The following MAPRE2 variants were observed in gnomAD, a reference collection of about 807,000 sequenced individuals.
MAPRE2 encodes the protein microtubule-associated protein RP/EB family member 2.
MAPRE2 carries 13 observed loss-of-function variants against 43.2 expected under a neutral mutation model. That is an observed-to-expected ratio of 0.30 (90% CI 0.20 to 0.48). The LOEUF is 0.48. Ranked by LOEUF, MAPRE2 falls within the 20% of genes least tolerant of loss-of-function variation. The pLI is 0.99. For missense variants in MAPRE2, 161 were observed against 400.2 expected (o/e 0.40, Z 5.10); for synonymous variants, 135 against 148.8 (o/e 0.91, Z 0.68).
intron 4 of MAPRE2, among the ~76,000 whole-genome samples, chr18:35,122,702 G>C (rs1398081419): frequency 6.6e-6 from 1 of 152,150 alleles, no homozygotes; most frequent in African/African-American, 2.4e-5. Flanking sequence ...AGAGGTTGCC[G>C]AGCCTGATTT....
Position 35,102,120 on chromosome 18 carries a change from C to T in MAPRE2, c.571C>T (p.Leu191=), listed in dbSNP as rs1361671315. 4 of 1,605,940 alleles carry T rather than the reference C, an allele frequency of 2.5e-6. No homozygotes were observed. The Admixed American group carries it at 6.9e-5, about 28-fold the overall frequency. Residue 191 remains leucine (L), a synonymous_variant, in exon 4 of 7, where the codon CTG becomes TTG. Coordinates refer to ENST00000300249, the MANE Select transcript of MAPRE2 (RefSeq NM_014268.4). The part of the protein sequence containing the change: ...PPDPGEQIFN[L]PKKSHHANSP... ...TGACCCTGGTGAACAGATCTTCAAC[C>T]TGCCAAAAAAGTCTCACCATGCAAA... is the stretch of plus-strand genomic sequence containing the variant.
In MAPRE2 at chr18:35,082,399, T is replaced by C. The variant is rs114586567; in HGVS notation, c.250+12077T>C. ...AATCAGCATTGGTTTGCCTACCAAA[T>C]TAGTTAAGCTTCTTCTTTTCCTGGC... On this transcript the variant is annotated intron_variant, in intron 2 of 6. Transcript: ENST00000300249. Among the ~76,000 whole-genome samples the C allele has an allele frequency of 4.1e-3, 624 of 152,276 alleles. 3 individuals carry two copies. Among genetic ancestry groups the C allele is most frequent in the Middle Eastern group, 0.017 (5 of 294 alleles).
intron 1 of MAPRE2, among the ~76,000 whole-genome samples, chr18:35,057,472 G>A (rs1273383987): frequency 6.7e-6 from 1 of 149,572 alleles, no homozygotes; most frequent in African/African-American, 2.5e-5. Flanking sequence ...AGGTAGTAGA[G>A]AAGGAGAGCA....
intron 4 of MAPRE2, among the ~76,000 whole-genome samples, chr18:35,111,245 T>G (rs1487332064): frequency 6.6e-6 from 1 of 152,214 alleles, no homozygotes; most frequent in Non-Finnish European, 1.5e-5. Flanking sequence ...TCTTCATTTT[T>G]AAATTTCAGC....
chr18:35,139,821 G>A (rs915881157), intron 6 of MAPRE2, among the ~76,000 whole-genome samples: 4 of 152,132 alleles, frequency 2.6e-5, no homozygotes, highest in African/African-American at 9.7e-5. Context: ...AGCAAGGGAG[G>A]GACTAGGAAA....
At chr18:35,045,018 T>A (rs1465398989) in intron 1 of MAPRE2, among the ~76,000 whole-genome samples, 1 of 152,214 alleles carries the variant, frequency 6.6e-6, no homozygotes, top group Admixed American at 6.5e-5. Context: ...AAATTACCCC[T>A]GGATTAGTAA....
At chr18:35,054,158 C>T (rs553488823) in intron 1 of MAPRE2, among the ~76,000 whole-genome samples, 10 of 152,204 alleles carry the variant, frequency 6.6e-5, no homozygotes, top group Middle Eastern at 3.4e-3. Flanking sequence ...TTCTCTAACT[C>T]CCTAAGAAGA....
At chr18:34,993,819 G>A (rs1444771177) in intron 1 of MAPRE2, among the ~76,000 whole-genome samples, 3 of 152,050 alleles carry the variant, frequency 2.0e-5, no homozygotes, top group Admixed American at 6.6e-5. Context: ...ATAATCAGAG[G>A]GTTGACAGAG....
chr18:35,055,754 C>T (rs902592366), intron 1 of MAPRE2, among the ~76,000 whole-genome samples: 2 of 151,930 alleles, frequency 1.3e-5, no homozygotes, highest in Non-Finnish European at 2.9e-5. Flanking sequence ...AGTTCAAGAC[C>T]AGCCAGCCTG....
At chr18:34,983,462 T>C (rs1210793247) in intron 1 of MAPRE2, among the ~76,000 whole-genome samples, 1 of 152,196 alleles carries the variant, frequency 6.6e-6, no homozygotes, top group Non-Finnish European at 1.5e-5. Flanking sequence ...TCAATGTTTT[T>C]TCAACCTGTG....
In MAPRE2 at chr18:35,142,292, T is replaced by C. The variant is rs775982458; in HGVS notation, c.*1923T>C. 1 of 152,300 alleles carries C rather than the reference T, an allele frequency of 6.6e-6. No individual in the cohort carries two copies. The highest frequency in any genetic ancestry group is 6.5e-5 in the Admixed American group (1 of 15,288). The allele number at this position is 152,300 out of a possible 1,614,324, so 9.4% of individuals were successfully genotyped here. On this transcript the variant is annotated 3_prime_UTR_variant, in exon 7 of 7. Transcript: ENST00000300249. Reference sequence around the variant, plus strand: ...CTTGTAAAAGGTCACAATAACTCTATGCACCTGATACTGCAGTGGTTCCTA... The same window carrying C: ...CTTGTAAAAGGTCACAATAACTCTACGCACCTGATACTGCAGTGGTTCCTA...
At chr18:35,068,053 TGATA>T (rs1165401506) in intron 1 of MAPRE2, among the ~76,000 whole-genome samples, 6 of 151,984 alleles carry the variant, frequency 3.9e-5, no homozygotes, top group East Asian at 1.9e-4. Context: ...GGGAATGGAG[TGATA>T]GATATTTATT....
chr18:35,100,177 C>G (rs1048161752), intron 3 of MAPRE2, among the ~76,000 whole-genome samples: 3 of 152,182 alleles, frequency 2.0e-5, no homozygotes, highest in Non-Finnish European at 4.4e-5. Context: ...GATTCACATT[C>G]AGCTAGTATT....
intron 4 of MAPRE2, among the ~76,000 whole-genome samples, chr18:35,124,600 G>A (rs2144231989): frequency 6.6e-6 from 1 of 152,294 alleles, no homozygotes; most frequent in South Asian, 2.1e-4. Flanking sequence ...TCCAGTGCAT[G>A]GCCCATGGCA....
At chr18:35,090,175 T>G (rs1055550806) in intron 2 of MAPRE2, among the ~76,000 whole-genome samples, 2 of 151,996 alleles carry the variant, frequency 1.3e-5, no homozygotes, top group Non-Finnish European at 1.5e-5. Flanking sequence ...TAAGAAGGGT[T>G]TTTTTTTGGC....
intron 2 of MAPRE2, among the ~76,000 whole-genome samples, chr18:35,011,909 A>G (rs2097034927): frequency 6.6e-6 from 1 of 151,514 alleles, no homozygotes; most frequent in Non-Finnish European, 1.5e-5. Context: ...ACAGGAATAC[A>G]GCCGGAGGAG....
chr18:35,029,230 T>C (rs189330366), intron 2 of MAPRE2, among the ~76,000 whole-genome samples: 3 of 152,344 alleles, frequency 2.0e-5, no homozygotes, highest in African/African-American at 7.2e-5. Flanking sequence ...TAATTTTCTT[T>C]TTAAAAATTT....
intron 1 of MAPRE2, among the ~76,000 whole-genome samples, chr18:34,999,019 A>G (rs189607395): frequency 6.6e-6 from 1 of 152,010 alleles, no homozygotes; most frequent in Middle Eastern, 3.2e-3. Flanking sequence ...AGACTATAAA[A>G]ACAGCAAGCA....
intron 4 of MAPRE2, among the ~76,000 whole-genome samples, chr18:35,103,355 A>C (rs187939485): frequency 1.1e-3 from 174 of 152,242 alleles, no homozygotes; most frequent in African/African-American, 3.9e-3. Flanking sequence ...AAAGAGAAGG[A>C]GATGTTAAAC....
Sources: gnomAD v4.1 joint callset for allele counts (sites outside exome capture counted in the v4.1 genomes callset) on GRCh38, gnomAD v4.1.1 for gene constraint, MANE v1.5 for transcripts, NCBI Gene and HGNC (gene_info 2026-07-23, HGNC 2026-07-21) for gene names.